KCNQ1OT1: variants seen among roughly 807,000 people sequenced by gnomAD.
KCNQ1OT1 encodes KCNQ1 antisense RNA 2 (non-protein coding).
chr11:2,688,040 T>A (rs1413345594), exon 1 of KCNQ1OT1: 1 of 398,546 alleles, frequency 2.5e-6, no homozygotes, highest in African/African-American at 2.1e-5. Context: ...AGGCACACAC[T>A]CCACTCAGCT....
chr11:2,623,394 C>T lies in KCNQ1OT1; in HGVS notation n.76601G>A, dbSNP rs1297014146. ...TACATATATTTGTACATTTTCACTG[C>T]CCTAAAAGTACTCTGTGCACTGCCT... is the stretch of plus-strand genomic sequence containing the variant. On this transcript the variant is annotated non_coding_transcript_exon_variant, in exon 1 of 1. Coordinates refer to ENST00000597346, the Ensembl canonical transcript of KCNQ1OT1. The surrounding 1 kb of genome is among the most constrained non-coding windows in gnomAD (Gnocchi z 5.2). 14 of 398,424 alleles carry T rather than the reference C, an allele frequency of 3.5e-5. No individual in the cohort carries two copies. In the Admixed American group the frequency reaches 5.3e-4, roughly 15 times the overall value. The allele number at this position is 398,424 out of a possible 1,614,324, so 24.7% of individuals were successfully genotyped here. A position where few individuals can be genotyped will look rare whatever the true frequency, so the allele number is the denominator to read the frequency against.
chr11:2,640,246 A>G (rs1589998494), exon 1 of KCNQ1OT1: 2 of 396,876 alleles, frequency 5.0e-6, no homozygotes, highest in African/African-American at 2.1e-5. Context: ...CCCCAGTGAG[A>G]TGAACCCACT....
rs1850562502 is a variant in KCNQ1OT1 at position 2,690,007 on chromosome 11, A to T, written n.9988T>A. 1 of 398,744 alleles carries T rather than the reference A, an allele frequency of 2.5e-6. No homozygotes were observed. Among genetic ancestry groups the T allele is most frequent in the Admixed American group, 4.4e-5 (1 of 22,728 alleles). 24.7% of individuals were successfully genotyped at this position (398,744 alleles called of 1,614,324 possible). Reference sequence around the variant, plus strand: ...CCTTTGCCCAAGCAGAGAACTGTTGAGGAAGGTGAGCCTTCCGAGGGCCAG... The same window carrying T: ...CCTTTGCCCAAGCAGAGAACTGTTGTGGAAGGTGAGCCTTCCGAGGGCCAG... On this transcript the variant is annotated non_coding_transcript_exon_variant, in exon 1 of 1. Transcript: ENST00000597346. The surrounding 1 kb of genome is among the most constrained non-coding windows in gnomAD (Gnocchi z 5.1).
chr11:2,653,305 T>C lies in KCNQ1OT1; in HGVS notation n.46690A>G. ...GGGGCAGTGCAGACCAGTTTAGCTA[T>C]TTTGTAACCTTGACTGCCCCCAGGC... On this transcript the variant is annotated non_coding_transcript_exon_variant, in exon 1 of 1. Coordinates refer to ENST00000597346, the Ensembl canonical transcript of KCNQ1OT1. The surrounding 1 kb of genome is among the most constrained non-coding windows in gnomAD (Gnocchi z 5.3). 2.5e-6 allele frequency: 1 copy of C among 398,688 alleles called. No homozygotes were observed. The highest frequency in any genetic ancestry group is 4.4e-6 in the Non-Finnish European group (1 of 226,098). The allele number at this position is 398,688 out of a possible 1,614,324, so 24.7% of individuals were successfully genotyped here. A position where few individuals can be genotyped will look rare whatever the true frequency, so the allele number is the denominator to read the frequency against.
chr11:2,638,026 G>A (rs898848061), exon 1 of KCNQ1OT1: 1 of 151,992 alleles, frequency 6.6e-6, no homozygotes, highest in Non-Finnish European at 1.5e-5. Context: ...TTTTCCATTT[G>A]CTTGGTAGAT....
exon 1 of KCNQ1OT1, chr11:2,685,469 C>T (rs1850471118): frequency 2.5e-6 from 1 of 398,722 alleles, no homozygotes; most frequent in African/African-American, 2.1e-5. Flanking sequence ...CAGTGCAACT[C>T]CCATCTCACA....
At chr11:2,662,237 C>A in exon 1 of KCNQ1OT1, 1 of 938,520 alleles carries the variant, frequency 1.1e-6, no homozygotes. Flanking sequence ...CACGGAGGCA[C>A]CAGGCAAGAG....
chr11:2,685,826 G>A lies in KCNQ1OT1; in HGVS notation n.14169C>T, dbSNP rs139568424. 3.4e-4 allele frequency: 136 copies of A among 398,706 alleles called. No homozygotes were observed. Among genetic ancestry groups the A allele is most frequent in the African/African-American group, 1.5e-3 (73 of 48,768 alleles). 24.7% of individuals were successfully genotyped at this position (398,706 alleles called of 1,614,324 possible). A position where few individuals can be genotyped will look rare whatever the true frequency, so the allele number is the denominator to read the frequency against. The stretch of plus-strand genomic sequence containing the variant: ...CTGAGAATGCGATTCCTACTAGAAC[G>A]AGGCTGTTTCCCAGGCTGCCTCCTG... On this transcript the variant is annotated non_coding_transcript_exon_variant, in exon 1 of 1. Coordinates refer to ENST00000597346, the Ensembl canonical transcript of KCNQ1OT1.
rs1850205074 is a variant in KCNQ1OT1 at position 2,672,525 on chromosome 11, A to G, written n.27470T>C. 3 of 398,516 alleles carry G rather than the reference A, an allele frequency of 7.5e-6. No homozygotes were observed. In the Admixed American group the frequency reaches 1.3e-4, roughly 18 times the overall value. 24.7% of individuals were successfully genotyped at this position (398,516 alleles called of 1,614,324 possible). ...GAGCTCTGTGCTCCCAGGCCTCTCC[A>G]TTACCAGCCTGTCTTCCACATTGGA... On this transcript the variant is annotated non_coding_transcript_exon_variant, in exon 1 of 1. Coordinates refer to ENST00000597346, the Ensembl canonical transcript of KCNQ1OT1.
exon 1 of KCNQ1OT1, chr11:2,610,872 G>A (rs772173401): frequency 2.0e-4 from 81 of 398,026 alleles, no homozygotes; most frequent in Non-Finnish European, 3.3e-4. Context: ...GTGCCACATA[G>A]CCTCACCTCC....
At position 2,654,236 on chromosome 11, in the gene KCNQ1OT1, T is replaced by C; in HGVS notation, n.45759A>G. ...CTGGCTGCAGCTGTCCGGATGCCCC[T>C]GGGGAGGGCTTCTCCTTCACAGTGC... is the stretch of plus-strand genomic sequence containing the variant. On this transcript the variant is annotated non_coding_transcript_exon_variant, in exon 1 of 1. Coordinates refer to ENST00000597346, the Ensembl canonical transcript of KCNQ1OT1. The surrounding 1 kb of genome is among the most constrained non-coding windows in gnomAD (Gnocchi z 6.4). 1 of 398,560 alleles carries C rather than the reference T, an allele frequency of 2.5e-6. No individual in the cohort carries two copies. 24.7% of individuals were successfully genotyped at this position (398,560 alleles called of 1,614,324 possible).
chr11:2,631,199 C>G (rs984170494), exon 1 of KCNQ1OT1: 6 of 398,366 alleles, frequency 1.5e-5, no homozygotes, highest in African/African-American at 1.2e-4. Flanking sequence ...TCTCTACTTT[C>G]CTTCTATAAA....
At chr11:2,635,964 T>C (rs1228368362) in exon 1 of KCNQ1OT1, 1 of 152,240 alleles carries the variant, frequency 6.6e-6, no homozygotes, top group Non-Finnish European at 1.5e-5. Flanking sequence ...GGGAGTTCAC[T>C]CATGATTTGG....
rs1184153876 is a variant in KCNQ1OT1, at chr11:2,658,522, A to C, written n.41473T>G. 8 of 398,302 alleles carry C rather than the reference A, an allele frequency of 2.0e-5. No homozygotes were observed. The highest frequency in any genetic ancestry group is 6.2e-4 in the Middle Eastern group (1 of 1,612). 24.7% of individuals were successfully genotyped at this position (398,302 alleles called of 1,614,324 possible). ...CTTTTCTAGCACTTGACAATACTTCAGGCTCATCTTTTATTTTCCCTACCC... is the reference window on the plus strand; with the variant it reads ...CTTTTCTAGCACTTGACAATACTTCCGGCTCATCTTTTATTTTCCCTACCC... On this transcript the variant is annotated non_coding_transcript_exon_variant, in exon 1 of 1. Transcript: ENST00000597346. This position sits in a 1 kb window ranked among gnomAD's most constrained non-coding sequence, Gnocchi z 4.9.
At chr11:2,685,653 C>CAGGTACCAGAAGTTCAG (rs1850475241) in exon 1 of KCNQ1OT1, 1 of 398,578 alleles carries the variant, frequency 2.5e-6, no homozygotes, top group Non-Finnish European at 4.4e-6. Context: ...CAAGCCCACA[C>CAGGTACCAGAAGTTCAG]AGGTACCAGA....
chr11:2,625,087 G>A (rs1849242386), exon 1 of KCNQ1OT1: 1 of 398,256 alleles, frequency 2.5e-6, no homozygotes, highest in South Asian at 1.3e-4. Context: ...AATCCTTCTG[G>A]GTGTATACAC....
rs940777612 is a variant in KCNQ1OT1, at chr11:2,671,670, AG to A, written n.28324del. 15 of 209,128 alleles carry A rather than the reference AG, an allele frequency of 7.2e-5. No individual in the cohort carries two copies. In the Admixed American group the frequency reaches 1.0e-3, roughly 14 times the overall value. 13.0% of individuals were successfully genotyped at this position (209,128 alleles called of 1,614,324 possible). ...TGCTGGGGAAACTGAGGCAGAGAGC[AG>A]GGGTGACTTTGCAAGGCAATAGAGG... On this transcript the variant is annotated non_coding_transcript_exon_variant, in exon 1 of 1. Coordinates refer to ENST00000597346, the Ensembl canonical transcript of KCNQ1OT1. This position sits in a 1 kb window ranked among gnomAD's most constrained non-coding sequence, Gnocchi z 4.7.
chr11:2,641,916 A>G (rs1849585762), exon 1 of KCNQ1OT1: 1 of 398,318 alleles, frequency 2.5e-6, no homozygotes, highest in Admixed American at 4.4e-5. Context: ...TGTTCTTGGC[A>G]TCTTTGTCAA....
rs1275260485 is a variant in KCNQ1OT1, at chr11:2,682,476, G to GAGTA, written n.17518_17519insTACT. 4 of 256,854 alleles carry GAGTA rather than the reference G, an allele frequency of 1.6e-5. No individual in the cohort carries two copies. In the African/African-American group the frequency reaches 4.2e-4, roughly 27 times the overall value. 15.9% of individuals were successfully genotyped at this position (256,854 alleles called of 1,614,324 possible). On this transcript the variant is annotated non_coding_transcript_exon_variant, in exon 1 of 1. Transcript: ENST00000597346. The surrounding 1 kb of genome is among the most constrained non-coding windows in gnomAD (Gnocchi z 5.8). The stretch of plus-strand genomic sequence containing the variant: ...CACGGACCCTCAGTGAATGTTTGAC[G>GAGTA]AGTGAGTGAGTGAGTGAGTGAGTGA...
Sources: allele counts gnomAD v4.1 joint callset, GRCh38; gene constraint gnomAD v4.1.1; non-coding constraint Gnocchi (gnomAD v3.1); transcripts MANE v1.5; gene names NCBI Gene and HGNC (gene_info 2026-07-23, HGNC 2026-07-21).